Variants in MTHFSD observed in about 807,000 individuals in gnomAD.
The protein encoded by MTHFSD is methenyltetrahydrofolate synthetase domain containing, also known as methenyltetrahydrofolate synthase domain-containing protein.
A neutral mutation model predicts 31.1 loss-of-function variants in MTHFSD; 37 were observed. The ratio of observed to expected loss-of-function variants is 1.19; its 90% CI spans 0.91 to 1.56. The LOEUF is 1.56. Ranked by LOEUF, MTHFSD falls within the 40% of genes most tolerant of loss-of-function variation. MTHFSD has a pLI of 0.00. For synonymous variants in MTHFSD, 221 were observed against 206.9 expected (o/e 1.07, Z -0.59); for missense variants, 664 against 510.1 (o/e 1.30, Z -2.91).
At chr16:86,533,659 G>A (rs548968826) in intron 7 of MTHFSD, 3 of 152,296 alleles carry the variant, frequency 2.0e-5, no homozygotes, top group South Asian at 4.1e-4. Flanking sequence ...CAGGGTGAGA[G>A]AGGAGCCTTT....
intron 4 of MTHFSD, chr16:86,547,930 A>T (rs1338566833): frequency 2.6e-6 from 2 of 756,116 alleles, no homozygotes; most frequent in Non-Finnish European, 3.6e-6. Flanking sequence ...ATACATGACC[A>T]ATTTTATTAT....
intron 5 of MTHFSD, among the ~76,000 whole-genome samples, chr16:86,545,572 C>T: frequency 6.6e-6 from 1 of 152,108 alleles, no homozygotes; most frequent in Admixed American, 6.5e-5. Flanking sequence ...CCCTTCAGTC[C>T]CCTCTGCCTG....
At position 86,555,190 on chromosome 16, in the gene MTHFSD, T is replaced by G; in HGVS notation, c.-6A>C. Reference sequence around the variant, plus strand: ...CCACCTGCCCTCGGCTCCATGGTGATGCAGTCGCTGTGCGACGCTTCCCGG... The same window carrying G: ...CCACCTGCCCTCGGCTCCATGGTGAGGCAGTCGCTGTGCGACGCTTCCCGG... On this transcript the variant is annotated 5_prime_UTR_variant, in exon 1 of 8. Coordinates refer to ENST00000360900, the MANE Select transcript of MTHFSD (RefSeq NM_001159377.2). The G allele has an allele frequency of 1.3e-6, 2 of 1,537,068 alleles. No homozygotes were observed. The highest frequency in any genetic ancestry group is 1.7e-6 in the Non-Finnish European group (2 of 1,146,644).
In MTHFSD at chr16:86,546,623, T is replaced by A; in HGVS notation, c.378A>T (p.Ile126=). 1 of 1,613,938 alleles carries A rather than the reference T, an allele frequency of 6.2e-7. No individual in the cohort carries two copies. Among genetic ancestry groups the A allele is most frequent in the Non-Finnish European group, 8.5e-7 (1 of 1,180,006 alleles). ...SQGVRNYSVP[I]GLDSRVLVDL... is the part of the protein sequence containing the mutation. ...CCACGAGGACTCTGGAGTCCAAGCC[T>A]ATGGGGACACTGTAGTTCCTCACAC... The change falls in exon 5 of 8, where the codon ATA becomes ATT. Residue 126 remains isoleucine, a synonymous_variant. Transcript: ENST00000360900.
At position 86,546,665 on chromosome 16, in the gene MTHFSD, C is replaced by T. The variant is rs374421430; in HGVS notation, c.352-16G>A. 8.4e-5 allele frequency: 135 copies of T among 1,604,690 alleles called. No homozygotes were observed. The Admixed American group carries it at 1.8e-3, about 21-fold the overall frequency. ...TCCTCACACCCTGCACACAGAGATACGGATTGGAAAACTTCAACTCCAGCT... is the reference window on the plus strand; with the variant it reads ...TCCTCACACCCTGCACACAGAGATATGGATTGGAAAACTTCAACTCCAGCT... On this transcript the variant is annotated splice_polypyrimidine_tract_variant and intron_variant, in intron 4 of 7. Coordinates refer to ENST00000360900, the MANE Select transcript of MTHFSD (RefSeq NM_001159377.2).
intron 3 of MTHFSD, among the ~76,000 whole-genome samples, chr16:86,551,819 C>T (rs1014254113): frequency 6.6e-6 from 1 of 152,218 alleles, no homozygotes; most frequent in African/African-American, 2.4e-5. Flanking sequence ...AATTTAGAAG[C>T]ATTCGGGACT....
chr16:86,540,347 G>A (rs1971322376), intron 7 of MTHFSD, among the ~76,000 whole-genome samples: 2 of 152,282 alleles, frequency 1.3e-5, no homozygotes, highest in Middle Eastern at 3.4e-3. Flanking sequence ...CTGACCCTCA[G>A]GAACCCTGGC....
intron 4 of MTHFSD, among the ~76,000 whole-genome samples, chr16:86,547,764 C>T (rs771696260): frequency 3.9e-5 from 6 of 151,952 alleles, no homozygotes; most frequent in Non-Finnish European, 7.4e-5. Context: ...AACAATGAAA[C>T]GTTCCAGTTT....
intron 7 of MTHFSD, chr16:86,540,800 A>G (rs373492859): frequency 4.0e-6 from 4 of 1,008,910 alleles, no homozygotes; most frequent in African/African-American, 1.7e-5. Context: ...CCGCCCATAC[A>G]CTCTGGGTTA....
At chr16:86,541,666 C>T (rs1378021204) in intron 7 of MTHFSD, 31 bp downstream of exon 7, 1 of 1,604,906 alleles carries the variant, frequency 6.2e-7, no homozygotes, top group Non-Finnish European at 8.5e-7. Context: ...CGCTAAGCTA[C>T]AGGCCAGAGC....
intron 4 of MTHFSD, chr16:86,547,149 T>C: frequency 1.0e-6 from 1 of 984,518 alleles, no homozygotes; most frequent in Non-Finnish European, 1.2e-6. Flanking sequence ...CAGTAAACAC[T>C]GTATGACATA....
intron 7 of MTHFSD, chr16:86,540,678 G>A: frequency 1.0e-6 from 1 of 988,124 alleles, no homozygotes; most frequent in Non-Finnish European, 1.2e-6. Context: ...AGGAAGCTGT[G>A]GACCAGAGTT....
At chr16:86,552,440 G>T (rs1973302814) in intron 2 of MTHFSD, 2 of 645,266 alleles carry the variant, frequency 3.1e-6, no homozygotes, top group Non-Finnish European at 5.1e-6. Flanking sequence ...GTAAGGAAAG[G>T]GATTTGAGAA....
At chr16:86,541,103 C>T in intron 7 of MTHFSD, 1 of 1,276,328 alleles carries the variant, frequency 7.8e-7, no homozygotes, top group Non-Finnish European at 1.0e-6. Flanking sequence ...GTAATTCTGG[C>T]TGTTTGCCAG....
At chr16:86,538,733 C>T (rs1233256132) in intron 7 of MTHFSD, among the ~76,000 whole-genome samples, 4 of 152,208 alleles carry the variant, frequency 2.6e-5, no homozygotes, top group Admixed American at 1.3e-4. Context: ...TTCAGGACCA[C>T]GTTCCAGCTT....
chr16:86,546,704 A>G, intron 4 of MTHFSD, 55 bp from the exon 5 acceptor site: 1 of 1,450,442 alleles, frequency 6.9e-7, no homozygotes, highest in East Asian at 2.3e-5. Flanking sequence ...TCCTCATTTT[A>G]TAATTCATGA....
At chr16:86,554,245 G>C (rs1301515502) in intron 2 of MTHFSD, among the ~76,000 whole-genome samples, 1 of 152,180 alleles carries the variant, frequency 6.6e-6, no homozygotes, top group African/African-American at 2.4e-5. Flanking sequence ...CACTCCTGAA[G>C]CCAGCAAAGA....
In MTHFSD at chr16:86,543,106, G is replaced by C. The variant is rs13329790; in HGVS notation, c.443-893C>G. 6.5e-3 allele frequency among the ~76,000 whole-genome samples: 983 copies of C among 152,338 alleles called. 15 individuals carry two copies. Among genetic ancestry groups the C allele is most frequent in the African/African-American group, 0.023 (939 of 41,570 alleles). On this transcript the variant is annotated intron_variant, in intron 5 of 7. Transcript: ENST00000360900. ...AAAATTCAACAGAAAAATAGCAAAG[G>C]ATATGAACAGTTCACAGAAAATGAC...
At chr16:86,548,094 C>T (rs1319327102) in intron 4 of MTHFSD, 4 of 1,293,008 alleles carry the variant, frequency 3.1e-6, no homozygotes, top group Non-Finnish European at 1.0e-6. Flanking sequence ...CCTGTCTCCC[C>T]AGTCGCTCTG....
Sources: allele counts gnomAD v4.1 joint callset (sites outside exome capture counted in the v4.1 genomes callset), GRCh38; gene constraint gnomAD v4.1.1; transcripts MANE v1.5; gene names NCBI Gene and HGNC (gene_info 2026-07-23, HGNC 2026-07-21).